PML: variants seen among roughly 807,000 people sequenced by gnomAD.
PML encodes the protein protein PML.
In PML, 28 loss-of-function variants were observed where a neutral mutation model predicts 65.2. That is an observed-to-expected ratio of 0.43 (90% confidence interval 0.32 to 0.59). The LOEUF (loss-of-function observed/expected upper bound fraction) is 0.59, where lower values mean the gene tolerates loss of function less well. PML is among the 20% of genes least tolerant of loss of function. PML has a pLI of 0.08. For synonymous variants in PML, 500 were observed against 508.8 expected (o/e 0.98, Z 0.23); for missense variants, 1,021 against 1,203.4 (o/e 0.85, Z 2.24).
rs2071140546 is a variant in PML, at chr15:74,027,653, A to G, written c.1254+2726A>G. 2.0e-5 allele frequency: 3 copies of G among 152,370 alleles called. No individual in the cohort carries two copies. The East Asian group carries it at 5.8e-4, about 29-fold the overall frequency. 9.4% of individuals were successfully genotyped at this position (152,370 alleles called of 1,614,324 possible). Reference sequence around the variant, plus strand: ...GATGCTAGTCATTGGTGAATGAACAACAAGAGAGCCTGCACTGTCTTGTGT... The same window carrying G: ...GATGCTAGTCATTGGTGAATGAACAGCAAGAGAGCCTGCACTGTCTTGTGT... On this transcript the variant is annotated intron_variant, in intron 4 of 8. Coordinates refer to ENST00000268058, the MANE Select transcript of PML (RefSeq NM_033238.3).
chr15:74,035,113 G>A lies in PML; in HGVS notation c.1710+583G>A. On this transcript the variant is annotated intron_variant, in intron 7 of 8. Coordinates refer to ENST00000268058, the MANE Select transcript of PML (RefSeq NM_033238.3). This position sits in a 1 kb window ranked among gnomAD's most constrained non-coding sequence, Gnocchi z 4.1. Reference sequence around the variant, plus strand: ...GGGGATCTGAATAGAGTGAAAGGTTGGACTGGGTGGCCCCTGAGGTCTCTT... The same window carrying A: ...GGGGATCTGAATAGAGTGAAAGGTTAGACTGGGTGGCCCCTGAGGTCTCTT... 8.8e-7 allele frequency: 1 copy of A among 1,142,046 alleles called. No homozygotes were observed. Among genetic ancestry groups the A allele is most frequent in the Non-Finnish European group, 1.3e-6 (1 of 754,454 alleles). The allele number at this position is 1,142,046 out of a possible 1,614,324, so 70.7% of individuals were successfully genotyped here. A position where few individuals can be genotyped will look rare whatever the true frequency, so the allele number is the denominator to read the frequency against.
chr15:74,031,682 G>A (rs2071332076), intron 4 of PML, among the ~76,000 whole-genome samples: 1 of 152,132 alleles, frequency 6.6e-6, no homozygotes, highest in Non-Finnish European at 1.5e-5. Flanking sequence ...GTGCACACCT[G>A]GGGTAGAATT....
chr15:74,006,160 G>A (rs1177192340), intron 2 of PML, among the ~76,000 whole-genome samples: 1 of 152,168 alleles, frequency 6.6e-6, no homozygotes, highest in Non-Finnish European at 1.5e-5. Context: ...GGAGGCTGAG[G>A]TGGGTGGATC....
At chr15:74,021,185 G>A (rs191455874) in intron 2 of PML, among the ~76,000 whole-genome samples, 13 of 152,112 alleles carry the variant, frequency 8.5e-5, no homozygotes, top group African/African-American at 3.1e-4. Flanking sequence ...GATAATAATG[G>A]TATCTATTCC....
At chr15:74,000,736 A>AT (rs891687868) in intron 2 of PML, among the ~76,000 whole-genome samples, 2 of 151,624 alleles carry the variant, frequency 1.3e-5, no homozygotes, top group African/African-American at 2.4e-5. Context: ...TTTTTAATTG[A>AT]TTTTTTTTCG....
intron 2 of PML, among the ~76,000 whole-genome samples, chr15:73,999,979 T>C (rs2069684772): frequency 6.6e-6 from 1 of 151,660 alleles, no homozygotes; most frequent in African/African-American, 2.4e-5. Flanking sequence ...CGATTACAGG[T>C]GCACATCATC....
rs1409112222 is a variant in PML, at chr15:74,025,210, A to G, written c.1254+283A>G. 1.0e-4 allele frequency: 50 copies of G among 481,498 alleles called. 1 individual carries two copies. The highest frequency in any genetic ancestry group is 1.5e-4 in the Non-Finnish European group (38 of 260,408). The allele number at this position is 481,498 out of a possible 1,614,324, so 29.8% of individuals were successfully genotyped here. A position where few individuals can be genotyped will look rare whatever the true frequency, so the allele number is the denominator to read the frequency against. On this transcript the variant is annotated intron_variant, in intron 4 of 8. Transcript: ENST00000268058. ...TGGGGTAGACAGTCGGCCACAGATC[A>G]GGGCTGCTGCAGAGGGAATTCCAGC...
rs1471303712 is a variant in PML, at chr15:74,046,795, C to G, written c.*1787C>G. On this transcript the variant is annotated 3_prime_UTR_variant, in exon 9 of 9. Transcript: ENST00000268058. ...AAGCCTGATGCTCCAATCACAGACTCTGCTCAGCATCCCCAGAGGAACCAC... is the reference window on the plus strand; with the variant it reads ...AAGCCTGATGCTCCAATCACAGACTGTGCTCAGCATCCCCAGAGGAACCAC... 2 of 231,344 alleles carry G rather than the reference C, an allele frequency of 8.6e-6. No individual in the cohort carries two copies. The highest frequency in any genetic ancestry group is 4.4e-5 in the African/African-American group (2 of 45,248). 14.3% of individuals were successfully genotyped at this position (231,344 alleles called of 1,614,324 possible).
chr15:74,013,235 T>C (rs2070412176), intron 2 of PML, among the ~76,000 whole-genome samples: 1 of 152,230 alleles, frequency 6.6e-6, no homozygotes, highest in Admixed American at 6.5e-5. Flanking sequence ...TTTTCTTCTT[T>C]TTCTTGCTCT....
intron 2 of PML, among the ~76,000 whole-genome samples, chr15:74,005,715 C>T (rs1234207391): frequency 6.6e-6 from 1 of 152,066 alleles, no homozygotes; most frequent in Non-Finnish European, 1.5e-5. Flanking sequence ...TTGGCATTTA[C>T]AGAGGTGTAT....
At chr15:74,027,134 C>T (rs921245999) in intron 4 of PML, 2 of 151,880 alleles carry the variant, frequency 1.3e-5, no homozygotes, top group Non-Finnish European at 2.9e-5. Flanking sequence ...CTTTTTGCAG[C>T]TGCATAATGG....
In PML at chr15:74,035,073, C is replaced by T; in HGVS notation, c.1710+543C>T. The T allele has an allele frequency of 1.6e-6, 2 of 1,286,832 alleles. No homozygotes were observed. Among genetic ancestry groups the T allele is most frequent in the Non-Finnish European group, 2.2e-6 (2 of 892,576 alleles). 79.7% of individuals were successfully genotyped at this position (1,286,832 alleles called of 1,614,324 possible). A position where few individuals can be genotyped will look rare whatever the true frequency, so the allele number is the denominator to read the frequency against. ...TTATTACTAGAGGCTGGACTATCAC[C>T]TGTCCAGGGGAAAAGGGGATCTGAA... On this transcript the variant is annotated intron_variant, in intron 7 of 8. Coordinates refer to ENST00000268058, the MANE Select transcript of PML (RefSeq NM_033238.3). The surrounding 1 kb of genome is among the most constrained non-coding windows in gnomAD (Gnocchi z 4.1).
intron 4 of PML, chr15:74,027,084 GA>G (rs1297779323): frequency 1.3e-5 from 2 of 152,168 alleles, no homozygotes; most frequent in African/African-American, 2.4e-5. Flanking sequence ...TATCATACCA[GA>G]ATTCTTATCC....
intron 7 of PML, 22 bp downstream of exon 7, chr15:74,034,552 C>G: frequency 6.2e-7 from 1 of 1,614,178 alleles, no homozygotes; most frequent in African/African-American, 1.3e-5. Context: ...AGAAGTTCAG[C>G]CCAGGACTCC....
In PML at chr15:74,047,384, C is replaced by G. The variant is rs2071781601; in HGVS notation, c.*2376C>G. 4.3e-6 allele frequency: 1 copy of G among 230,882 alleles called. No individual in the cohort carries two copies. Among genetic ancestry groups the G allele is most frequent in the African/African-American group, 2.2e-5 (1 of 45,172 alleles). The allele number at this position is 230,882 out of a possible 1,614,324, so 14.3% of individuals were successfully genotyped here. On this transcript the variant is annotated 3_prime_UTR_variant, in exon 9 of 9. Transcript: ENST00000268058. The stretch of plus-strand genomic sequence containing the variant: ...ATTGATCAGTGCCACCACCCTTGAC[C>G]CCAACTACCATCCCAGATGCCCAGA...
Position 74,044,702 on chromosome 15 carries a change from G to A in PML, c.2343G>A (p.Leu781=). 1 of 1,608,058 alleles carries A rather than the reference G, an allele frequency of 6.2e-7. No homozygotes were observed. Among genetic ancestry groups the A allele is most frequent in the Non-Finnish European group, 8.5e-7 (1 of 1,179,942 alleles). Residue 781 remains leucine (L), a synonymous_variant, in exon 9 of 9, where the codon CTG becomes CTA. Coordinates refer to ENST00000268058, the MANE Select transcript of PML (RefSeq NM_033238.3). ...PFSSLQCFAS[L]QPLVQAAVLP... is the part of the protein sequence containing the mutation. ...GTAGCCTGCAGTGCTTTGCCTCCCT[G>A]CAGCCCCTGGTGCAGGCAGCTGTGC... is the stretch of plus-strand genomic sequence containing the variant.
intron 2 of PML, among the ~76,000 whole-genome samples, chr15:74,001,939 G>C (rs1326968260): frequency 6.6e-6 from 1 of 151,584 alleles, no homozygotes; most frequent in African/African-American, 2.4e-5. Flanking sequence ...AAGAATTTGA[G>C]CCTGCAGTGA....
At position 74,031,287 on chromosome 15, in the gene PML, G is replaced by A. The variant is rs1414625619; in HGVS notation, c.1255-1285G>A. The A allele has an allele frequency of 9.0e-6, 4 of 442,726 alleles. No homozygotes were observed. In the East Asian group the frequency reaches 2.8e-4, roughly 31 times the overall value. 27.4% of individuals were successfully genotyped at this position (442,726 alleles called of 1,614,324 possible). A position where few individuals can be genotyped will look rare whatever the true frequency, so the allele number is the denominator to read the frequency against. ...TTAAAAAAATTTATTATTATTATTA[G>A]TGTTTGAGACAGAGTCTCACTCTGT... On this transcript the variant is annotated intron_variant, in intron 4 of 8. Transcript: ENST00000268058.
chr15:74,021,122 T>C (rs1028614873), intron 2 of PML, among the ~76,000 whole-genome samples: 6 of 152,222 alleles, frequency 3.9e-5, no homozygotes, highest in African/African-American at 1.2e-4. Context: ...AATCGTGTGA[T>C]CTTGAACAAA....
Sources: allele counts gnomAD v4.1 joint callset (sites outside exome capture counted in the v4.1 genomes callset), GRCh38; gene constraint gnomAD v4.1.1; non-coding constraint Gnocchi (gnomAD v3.1); transcripts MANE v1.5; gene names NCBI Gene and HGNC (gene_info 2026-07-23, HGNC 2026-07-21).